The following PCDHB2 variants were observed in gnomAD, a reference collection of about 807,000 sequenced individuals.
The protein encoded by PCDHB2 is protocadherin beta 2.
For missense variants in PCDHB2, 914 were observed against 1,023.1 expected, an observed-to-expected ratio of 0.89 and a Z score of 1.45; for synonymous variants, 395 against 464.9, an observed-to-expected ratio of 0.85 and a Z score of 1.93.
chr5:141,095,409 C>A lies in PCDHB2; in HGVS notation c.619C>A (p.Gln207Lys). The A allele has an allele frequency of 6.2e-7, 1 of 1,614,120 alleles. No homozygotes were observed. Among genetic ancestry groups the A allele is most frequent in the African/African-American group, 1.3e-5 (1 of 75,032 alleles). ...GAACAGAGCCCTGGATCGCGAGGAG[C>A]AGCCTGAGATCAGGTTAACCCTCAC... ...VLNRALDREE[Q>K]PEIRLTLTAL... Residue 207 changes from glutamine (Q) to lysine (K), a missense_variant, in exon 1 of 1, where the codon CAG becomes AAG. Transcript: ENST00000194155.
At position 141,098,250 on chromosome 5, in the gene PCDHB2, C is replaced by G. The variant is rs1751873493; in HGVS notation, c.*1063C>G. 6.6e-6 allele frequency: 1 copy of G among 152,050 alleles called. No homozygotes were observed. Among genetic ancestry groups the G allele is most frequent in the African/African-American group, 2.4e-5 (1 of 41,406 alleles). The allele number at this position is 152,050 out of a possible 1,614,324, so 9.4% of individuals were successfully genotyped here. On this transcript the variant is annotated 3_prime_UTR_variant, in exon 1 of 1. Coordinates refer to ENST00000194155, the MANE Select transcript of PCDHB2 (RefSeq NM_018936.4). Reference sequence around the variant, plus strand: ...TTAAGAGCCCTCTGCTTATTCCAGTCCCCCCCTTTAAAATCTTTTAAAATT... The same window carrying G: ...TTAAGAGCCCTCTGCTTATTCCAGTGCCCCCCTTTAAAATCTTTTAAAATT...
At position 141,097,293 on chromosome 5, in the gene PCDHB2, T is replaced by C; in HGVS notation, c.*106T>C. The C allele has an allele frequency of 7.9e-7, 1 of 1,259,416 alleles. No individual in the cohort carries two copies. The highest frequency in any genetic ancestry group is 1.6e-5 in the South Asian group (1 of 63,688). The allele number at this position is 1,259,416 out of a possible 1,614,324, so 78.0% of individuals were successfully genotyped here. On this transcript the variant is annotated 3_prime_UTR_variant, in exon 1 of 1. Coordinates refer to ENST00000194155, the MANE Select transcript of PCDHB2 (RefSeq NM_018936.4). ...CTCCTTTTATTAGAAAGTAACCATC[T>C]TATTCCAATTCTATGCATGTTACTG...
rs1295941599 is a variant in PCDHB2 at position 141,096,818 on chromosome 5, G to A, written c.2028G>A (p.Pro676=). The change falls in exon 1 of 1, where the codon CCG becomes CCA. Residue 676 remains proline, a synonymous_variant. Transcript: ENST00000194155. ...TCTCCCAGCCCTACCTGCTGCTCCC[G>A]GAGGCGGCACCGGCCCAGGCCCAGG... is the stretch of plus-strand genomic sequence containing the variant. The part of the protein sequence containing the change: ...DGFSQPYLLL[P]EAAPAQAQAD... 1 of 1,610,516 alleles carries A rather than the reference G, an allele frequency of 6.2e-7. No homozygotes were observed.
Position 141,094,887 on chromosome 5 carries a change from A to G in PCDHB2, c.97A>G (p.Arg33Gly), listed in dbSNP as rs1554271090. Residue 33 changes from arginine (R) to glycine (G), a missense_variant, in exon 1 of 1, where the codon AGG becomes GGG. Arg to Gly is a moderately radical substitution (Grantham distance 125). Coordinates refer to ENST00000194155, the MANE Select transcript of PCDHB2 (RefSeq NM_018936.4). Reference protein sequence around the residue: ...LGIAQASCQPRHYSVAEETES... With the variant: ...LGIAQASCQPGHYSVAEETES... Reference sequence around the variant, plus strand: ...CATAGCTCAGGCTAGTTGCCAGCCTAGGCACTATTCAGTGGCCGAGGAAAC... The same window carrying G: ...CATAGCTCAGGCTAGTTGCCAGCCTGGGCACTATTCAGTGGCCGAGGAAAC... 2 of 1,614,116 alleles carry G rather than the reference A, an allele frequency of 1.2e-6. No homozygotes were observed. Among genetic ancestry groups the G allele is most frequent in the Admixed American group, 3.3e-5 (2 of 60,018 alleles).
At position 141,096,952 on chromosome 5, in the gene PCDHB2, C is replaced by T; in HGVS notation, c.2162C>T (p.Ala721Val). 3 of 1,612,476 alleles carry T rather than the reference C, an allele frequency of 1.9e-6. No homozygotes were observed. The highest frequency in any genetic ancestry group is 2.5e-6 in the Non-Finnish European group (3 of 1,179,916). The change falls in exon 1 of 1, where the codon GCG becomes GTG. Residue 721 changes from alanine to valine, a missense_variant. Coordinates refer to ENST00000194155, the MANE Select transcript of PCDHB2 (RefSeq NM_018936.4). ...GTGCGGCTGTGCAGGAGGAGCAGGG[C>T]GGCCTCGGTGGGTCGCTGCTCGGTG... is the stretch of plus-strand genomic sequence containing the variant. The part of the protein sequence containing the change: ...VAVRLCRRSR[A>V]ASVGRCSVPE...
rs1563826898 is a variant in PCDHB2 at position 141,095,443 on chromosome 5, A to AT, written c.654dup (p.Gly219TrpfsTer15). The AT allele has an allele frequency of 6.2e-7, 1 of 1,614,152 alleles. No homozygotes were observed. The highest frequency in any genetic ancestry group is 8.5e-7 in the Non-Finnish European group (1 of 1,180,026). ...ATCAGGTTAACCCTCACAGCGCTAG[A>AT]TGGCGGGAGTCCACCCAGGTCCGGC... On this transcript the variant is annotated frameshift_variant, in exon 1 of 1. Coordinates refer to ENST00000194155, the MANE Select transcript of PCDHB2 (RefSeq NM_018936.4). LOFTEE classifies it low-confidence loss of function (END_TRUNC).
rs1050939859 is a variant in PCDHB2 at position 141,097,522 on chromosome 5, A to C, written c.*335A>C. The C allele has an allele frequency of 5.0e-6, 1 of 201,456 alleles. No homozygotes were observed. The highest frequency in any genetic ancestry group is 1.0e-5 in the Non-Finnish European group (1 of 99,792). The allele number at this position is 201,456 out of a possible 1,614,324, so 12.5% of individuals were successfully genotyped here. A position where few individuals can be genotyped will look rare whatever the true frequency, so the allele number is the denominator to read the frequency against. On this transcript the variant is annotated 3_prime_UTR_variant, in exon 1 of 1. Transcript: ENST00000194155. ...ATAATTTTGAAGTCCTACATTTGAA[A>C]ATATTTGTTATCATTACATGAGTTA...
In PCDHB2 at chr5:141,097,336, A is replaced by T; in HGVS notation, c.*149A>T. ...TGTTACTGGTATTTATAAATGTATG[A>T]GTTTTTTTGCGGTATAATAAATGTA... On this transcript the variant is annotated 3_prime_UTR_variant, in exon 1 of 1. Coordinates refer to ENST00000194155, the MANE Select transcript of PCDHB2 (RefSeq NM_018936.4). 1.1e-6 allele frequency: 1 copy of T among 873,388 alleles called. No individual in the cohort carries two copies. Among genetic ancestry groups the T allele is most frequent in the Admixed American group, 2.9e-5 (1 of 34,406 alleles). 54.1% of individuals were successfully genotyped at this position (873,388 alleles called of 1,614,324 possible).
rs1554271156 is a variant in PCDHB2 at position 141,095,085 on chromosome 5, G to A, written c.295G>A (p.Gly99Ser). Residue 99 changes from glycine (G) to serine (S), a missense_variant, in exon 1 of 1, where the codon GGC becomes AGC. Coordinates refer to ENST00000194155, the MANE Select transcript of PCDHB2 (RefSeq NM_018936.4). ...GAAATTGGACCGGGAGGAGCTGTGC[G>A]GCCCCACAGAGCCCTGTGTCCTACC... ...NEKLDREELCGPTEPCVLPFQ... is the reference protein window; with the variant it reads ...NEKLDREELCSPTEPCVLPFQ... 17 of 1,614,038 alleles carry A rather than the reference G, an allele frequency of 1.1e-5. No homozygotes were observed. The highest frequency in any genetic ancestry group is 8.8e-5 in the South Asian group (8 of 91,080).
In PCDHB2 at chr5:141,095,447, C is replaced by T; in HGVS notation, c.657C>T (p.Gly219=). The T allele has an allele frequency of 6.8e-6, 11 of 1,614,086 alleles. No homozygotes were observed. The highest frequency in any genetic ancestry group is 2.2e-5 in the South Asian group (2 of 91,064). Residue 219 remains glycine (G), a synonymous_variant, in exon 1 of 1, where the codon GGC becomes GGT. Coordinates refer to ENST00000194155, the MANE Select transcript of PCDHB2 (RefSeq NM_018936.4). ...GGTTAACCCTCACAGCGCTAGATGG[C>T]GGGAGTCCACCCAGGTCCGGCACGG... The part of the protein sequence containing the change: ...EIRLTLTALD[G]GSPPRSGTAL...
chr5:141,097,291 T>A lies in PCDHB2; in HGVS notation c.*104T>A, dbSNP rs1751856639. ...GTCTCCTTTTATTAGAAAGTAACCA[T>A]CTTATTCCAATTCTATGCATGTTAC... On this transcript the variant is annotated 3_prime_UTR_variant, in exon 1 of 1. Transcript: ENST00000194155. 1 of 1,283,480 alleles carries A rather than the reference T, an allele frequency of 7.8e-7. No homozygotes were observed. Among genetic ancestry groups the A allele is most frequent in the Non-Finnish European group, 1.1e-6 (1 of 928,912 alleles). The allele number at this position is 1,283,480 out of a possible 1,614,324, so 79.5% of individuals were successfully genotyped here. A position where few individuals can be genotyped will look rare whatever the true frequency, so the allele number is the denominator to read the frequency against.
In PCDHB2 at chr5:141,096,542, G is replaced by A; in HGVS notation, c.1752G>A (p.Pro584=). Reference sequence around the variant, plus strand: ...AGCTGGTGCCCCGGGCGGCCGAGCCGGGCTACCTGGTGACCAAGGTGGTGG... The same window carrying A: ...AGCTGGTGCCCCGGGCGGCCGAGCCAGGCTACCTGGTGACCAAGGTGGTGG... ...CTELVPRAAE[P]GYLVTKVVAV... Residue 584 remains proline (P), a synonymous_variant, in exon 1 of 1, where the codon CCG becomes CCA. Transcript: ENST00000194155. 1 of 1,606,738 alleles carries A rather than the reference G, an allele frequency of 6.2e-7. No individual in the cohort carries two copies.
Position 141,096,288 on chromosome 5 carries a change from C to A in PCDHB2, c.1498C>A (p.Leu500Met). The change falls in exon 1 of 1, where the codon CTG becomes ATG. Residue 500 changes from leucine (L) to methionine (M), a missense_variant. Transcript: ENST00000194155. ...GCTGCTGCCGCCCCAGGACCCGCACCTGCCCCTCGCCTCCCTGGTCTCCAT... is the reference window on the plus strand; with the variant it reads ...GCTGCTGCCGCCCCAGGACCCGCACATGCCCCTCGCCTCCCTGGTCTCCAT... ...YSLLPPQDPHLPLASLVSINA... is the reference protein window; with the variant it reads ...YSLLPPQDPHMPLASLVSINA... 1 of 1,613,362 alleles carries A rather than the reference C, an allele frequency of 6.2e-7. No individual in the cohort carries two copies. Among genetic ancestry groups the A allele is most frequent in the Non-Finnish European group, 8.5e-7 (1 of 1,180,012 alleles).
rs1554271686 is a variant in PCDHB2 at position 141,096,953 on chromosome 5, G to A, written c.2163G>A (p.Ala721=). The part of the protein sequence containing the change: ...VAVRLCRRSR[A]ASVGRCSVPE... ...TGCGGCTGTGCAGGAGGAGCAGGGCGGCCTCGGTGGGTCGCTGCTCGGTGC... is the reference window on the plus strand; with the variant it reads ...TGCGGCTGTGCAGGAGGAGCAGGGCAGCCTCGGTGGGTCGCTGCTCGGTGC... The change falls in exon 1 of 1, where the codon GCG becomes GCA. Residue 721 remains alanine (A), a synonymous_variant. Transcript: ENST00000194155. 3 of 1,612,586 alleles carry A rather than the reference G, an allele frequency of 1.9e-6. No individual in the cohort carries two copies. The highest frequency in any genetic ancestry group is 1.7e-6 in the Non-Finnish European group (2 of 1,179,920).
rs144560907 is a variant in PCDHB2, at chr5:141,097,696, AT to A, written c.*524del. On this transcript the variant is annotated 3_prime_UTR_variant, in exon 1 of 1. Transcript: ENST00000194155. ...GTCCTTACGTTTTTCAATATATGTAATTTTTTTTTTTTTTTGAGATGGAGTT... is the reference window on the plus strand; with the variant it reads ...GTCCTTACGTTTTTCAATATATGTAATTTTTTTTTTTTTTGAGATGGAGTT... 0.19 allele frequency: 27,614 copies of A among 144,356 alleles called. 2,554 individuals carry two copies. The highest frequency in any genetic ancestry group is 0.3 in the Middle Eastern group (83 of 280). The allele number at this position is 144,356 out of a possible 1,614,324, so 8.9% of individuals were successfully genotyped here.
In PCDHB2 at chr5:141,094,673, C is replaced by T. The variant is rs1158111092; in HGVS notation, c.-118C>T. The T allele has an allele frequency of 1.1e-5, 9 of 790,354 alleles. No individual in the cohort carries two copies. The highest frequency in any genetic ancestry group is 5.0e-5 in the South Asian group (2 of 40,164). 49.0% of individuals were successfully genotyped at this position (790,354 alleles called of 1,614,324 possible). On this transcript the variant is annotated 5_prime_UTR_variant, in exon 1 of 1. Transcript: ENST00000194155. ...AGGAGGCTTTCTAAGGCGGTCGCTC[C>T]GGGAAATCCGGGCCCTAGGATTGTC...
rs1217211157 is a variant in PCDHB2 at position 141,096,256 on chromosome 5, C to T, written c.1466C>T (p.Thr489Ile). The change falls in exon 1 of 1, where the codon ACC becomes ATC. Residue 489 changes from threonine to isoleucine, a missense_variant. By Grantham distance (89) the Thr-to-Ile change is moderately conservative (BLOSUM62 -1). Coordinates refer to ENST00000194155, the MANE Select transcript of PCDHB2 (RefSeq NM_018936.4). ...DRDSGTNAQV[T>I]YSLLPPQDPH... Reference sequence around the variant, plus strand: ...GACTCGGGCACCAACGCCCAGGTCACCTACTCGCTGCTGCCGCCCCAGGAC... The same window carrying T: ...GACTCGGGCACCAACGCCCAGGTCATCTACTCGCTGCTGCCGCCCCAGGAC... 1.9e-6 allele frequency: 3 copies of T among 1,613,116 alleles called. No individual in the cohort carries two copies. The highest frequency in any genetic ancestry group is 2.5e-6 in the Non-Finnish European group (3 of 1,180,040).
Position 141,094,644 on chromosome 5 carries a change from G to T in PCDHB2, c.-147G>T, listed in dbSNP as rs1306065903. The T allele has an allele frequency of 8.7e-6, 5 of 576,102 alleles. No individual in the cohort carries two copies. Among genetic ancestry groups the T allele is most frequent in the East Asian group, 2.9e-5 (1 of 34,042 alleles). The allele number at this position is 576,102 out of a possible 1,614,324, so 35.7% of individuals were successfully genotyped here. On this transcript the variant is annotated 5_prime_UTR_variant, in exon 1 of 1. Transcript: ENST00000194155. ...ACTCAGCTAAAGAAGCAGCAAGCAG[G>T]AAGAGGAGGCTTTCTAAGGCGGTCG... is the stretch of plus-strand genomic sequence containing the variant.
Position 141,097,319 on chromosome 5 carries a change from G to A in PCDHB2, c.*132G>A. On this transcript the variant is annotated 3_prime_UTR_variant, in exon 1 of 1. Transcript: ENST00000194155. Reference sequence around the variant, plus strand: ...TATTCCAATTCTATGCATGTTACTGGTATTTATAAATGTATGAGTTTTTTT... The same window carrying A: ...TATTCCAATTCTATGCATGTTACTGATATTTATAAATGTATGAGTTTTTTT... 1 of 1,008,538 alleles carries A rather than the reference G, an allele frequency of 9.9e-7. No homozygotes were observed. Among genetic ancestry groups the A allele is most frequent in the Non-Finnish European group, 1.4e-6 (1 of 702,594 alleles). 62.5% of individuals were successfully genotyped at this position (1,008,538 alleles called of 1,614,324 possible). A position where few individuals can be genotyped will look rare whatever the true frequency, so the allele number is the denominator to read the frequency against.
Sources: gnomAD v4.1 joint callset for allele counts on GRCh38, gnomAD v4.1.1 for gene constraint, MANE v1.5 for transcripts, NCBI Gene and HGNC (gene_info 2026-07-23, HGNC 2026-07-21) for gene names.